The following DAP variants were observed in gnomAD, a reference collection of about 807,000 sequenced individuals.
DAP encodes death-associated protein 1.
In DAP, 8 loss-of-function variants were observed where a neutral mutation model predicts 13.8. The observed-to-expected ratio is 0.58, with a 90% confidence interval of 0.34 to 1.05. The LOEUF (loss-of-function observed/expected upper bound fraction) is 1.05, where lower values mean the gene tolerates loss of function less well. DAP is among the 50% of genes least tolerant of loss of function. The probability of loss-of-function intolerance (pLI) is 0.03; values close to 1 mark genes in which losing one functional copy is unlikely to be tolerated. For missense variants in DAP, 106 were observed against 133.2 expected (o/e 0.80, Z 1.01); for synonymous variants, 47 against 47.5 (o/e 0.99, Z 0.04).
intron 2 of DAP, among the ~76,000 whole-genome samples, chr5:10,734,979 G>A (rs1345587223): frequency 1.3e-5 from 2 of 152,272 alleles, no homozygotes; most frequent in East Asian, 3.9e-4. Context: ...CCGTGGGGCC[G>A]CCACCCAAAG....
At chr5:10,738,475 C>A (rs1739671428) in intron 2 of DAP, among the ~76,000 whole-genome samples, 1 of 152,116 alleles carries the variant, frequency 6.6e-6, no homozygotes, top group Non-Finnish European at 1.5e-5. Flanking sequence ...TCAAGAAGGA[C>A]AAGACCTCGC....
At chr5:10,717,125 G>C (rs1403166796) in intron 2 of DAP, among the ~76,000 whole-genome samples, 1 of 152,204 alleles carries the variant, frequency 6.6e-6, no homozygotes, top group Admixed American at 6.5e-5. Context: ...ACATAATGCA[G>C]CTTGTTGGTT....
At chr5:10,724,972 C>A (rs1233582313) in intron 2 of DAP, among the ~76,000 whole-genome samples, 1 of 152,174 alleles carries the variant, frequency 6.6e-6, no homozygotes, top group Non-Finnish European at 1.5e-5. Context: ...TTCCTCCCCC[C>A]TCTCCCCTTC....
intron 2 of DAP, among the ~76,000 whole-genome samples, chr5:10,689,715 G>C (rs1738254349): frequency 6.6e-6 from 1 of 152,196 alleles, no homozygotes; most frequent in African/African-American, 2.4e-5. Flanking sequence ...ATACAAAGTG[G>C]CTAGTCATTC....
intron 2 of DAP, among the ~76,000 whole-genome samples, chr5:10,685,552 T>G (rs1175056477): frequency 1.3e-5 from 2 of 152,200 alleles, no homozygotes; most frequent in Non-Finnish European, 2.9e-5. Context: ...AGCACAAAGT[T>G]TCTTAACGTC....
intron 2 of DAP, among the ~76,000 whole-genome samples, chr5:10,689,004 T>C (rs1237867245): frequency 6.6e-6 from 1 of 152,254 alleles, no homozygotes; most frequent in East Asian, 1.9e-4. Context: ...CCCAGGGGCC[T>C]GCCACAGTCC....
chr5:10,690,999 G>A (rs1738294590), intron 2 of DAP, among the ~76,000 whole-genome samples: 1 of 152,110 alleles, frequency 6.6e-6, no homozygotes, highest in South Asian at 2.1e-4. Flanking sequence ...TATTCTAATG[G>A]GTGTGAGGAA....
At chr5:10,717,921 C>T (rs1370747808) in intron 2 of DAP, among the ~76,000 whole-genome samples, 1 of 152,150 alleles carries the variant, frequency 6.6e-6, no homozygotes, top group Admixed American at 6.5e-5. Context: ...GGATAAAAGA[C>T]TAATTTGAAT....
In DAP at chr5:10,748,000, C is replaced by T. The variant is rs1487169176; in HGVS notation, c.152+175G>A. On this transcript the variant is annotated intron_variant, in intron 2 of 3. Coordinates refer to ENST00000230895, the MANE Select transcript of DAP (RefSeq NM_004394.3). ...AGAGGACCTCTAGGGGCTCTATTTT[C>T]TCCCCTGACTGAAAACAAAGCCCCC... 7 of 571,758 alleles carry T rather than the reference C, an allele frequency of 1.2e-5. No individual in the cohort carries two copies. The African/African-American group carries it at 1.3e-4, about 11-fold the overall frequency. 35.4% of individuals were successfully genotyped at this position (571,758 alleles called of 1,614,324 possible).
intron 2 of DAP, among the ~76,000 whole-genome samples, chr5:10,732,642 G>A (rs1174264011): frequency 6.6e-6 from 1 of 152,124 alleles, no homozygotes; most frequent in Non-Finnish European, 1.5e-5. Flanking sequence ...TCATGTACAA[G>A]TTTCTGCTTG....
At chr5:10,696,878 C>T (rs1251345873) in intron 2 of DAP, among the ~76,000 whole-genome samples, 1 of 152,136 alleles carries the variant, frequency 6.6e-6, no homozygotes, top group Non-Finnish European at 1.5e-5. Context: ...AGAAAAGGTT[C>T]CCCCAGCACC....
At chr5:10,730,902 A>G (rs1178947317) in intron 2 of DAP, among the ~76,000 whole-genome samples, 26 of 37,780 alleles carry the variant, frequency 6.9e-4, no homozygotes, top group East Asian at 1.6e-3. Flanking sequence ...TGAGAGCCCT[A>G]GTGAGGGGGA....
At chr5:10,757,494 G>T (rs962902640) in intron 1 of DAP, among the ~76,000 whole-genome samples, 8 of 152,082 alleles carry the variant, frequency 5.3e-5, no homozygotes, top group Admixed American at 5.2e-4. Flanking sequence ...GGCTAGTCTT[G>T]AACTCCTGAG....
At chr5:10,746,463 G>A (rs1428596763) in intron 2 of DAP, among the ~76,000 whole-genome samples, 1 of 151,800 alleles carries the variant, frequency 6.6e-6, no homozygotes, top group African/African-American at 2.4e-5. Context: ...CTGAGTAGCT[G>A]GGATTACAGG....
At chr5:10,684,679 A>T (rs1353829983) in intron 2 of DAP, among the ~76,000 whole-genome samples, 1 of 152,240 alleles carries the variant, frequency 6.6e-6, no homozygotes, top group African/African-American at 2.4e-5. Flanking sequence ...TATGGCAAGC[A>T]TCTCTCCATG....
rs186020789 is a variant in DAP, at chr5:10,713,132, A to G, written c.153-29561T>C. Among the ~76,000 whole-genome samples, 4 of 152,244 alleles carry G rather than the reference A, an allele frequency of 2.6e-5. No individual in the cohort carries two copies. In the East Asian group the frequency reaches 7.7e-4, roughly 29 times the overall value. On this transcript the variant is annotated intron_variant, in intron 2 of 3. Coordinates refer to ENST00000230895, the MANE Select transcript of DAP (RefSeq NM_004394.3). ...TATTTAACATGCCCTCTCAGGATGA[A>G]CTCCACAGGCAACCTTCCCAAGCCA...
chr5:10,687,677 C>T (rs754032230), intron 2 of DAP, among the ~76,000 whole-genome samples: 3 of 152,178 alleles, frequency 2.0e-5, no homozygotes, highest in Non-Finnish European at 4.4e-5. Context: ...CTGGAATCTA[C>T]ACCTGGTGAA....
chr5:10,733,175 T>C (rs1031859982), intron 2 of DAP, among the ~76,000 whole-genome samples: 31 of 113,462 alleles, frequency 2.7e-4, no homozygotes, highest in Admixed American at 1.2e-3. Context: ...TGTGTGTGTG[T>C]GTGTGTGTGT....
chr5:10,696,465 A>C (rs1442029530), intron 2 of DAP, among the ~76,000 whole-genome samples: 1 of 152,226 alleles, frequency 6.6e-6, no homozygotes, highest in Non-Finnish European at 1.5e-5. Flanking sequence ...GCTTGGGCTT[A>C]GGAAATAGAT....
Sources: gnomAD v4.1 joint callset for allele counts (sites outside exome capture counted in the v4.1 genomes callset) on GRCh38, gnomAD v4.1.1 for gene constraint, MANE v1.5 for transcripts, NCBI Gene and HGNC (gene_info 2026-07-23, HGNC 2026-07-21) for gene names.